GRM7: variants seen among roughly 807,000 people sequenced by gnomAD.
GRM7 encodes glutamate metabotropic receptor 7, also known as metabotropic glutamate receptor 7.
GRM7 carries 35 observed loss-of-function variants against 84.5 expected under a neutral mutation model. The observed-to-expected ratio is 0.41, with a 90% CI of 0.32 to 0.55. GRM7 has a LOEUF of 0.55. Ranked by LOEUF, GRM7 falls within the 20% of genes least tolerant of loss-of-function variation. GRM7 has a pLI of 0.19. For missense variants in GRM7, 1,003 were observed against 1,194.6 expected (o/e 0.84, Z 2.36); for synonymous variants, 487 against 455.1 (o/e 1.07, Z -0.89).
At chr3:7,295,216 T>C (rs1023013276) in intron 2 of GRM7, among the ~76,000 whole-genome samples, 12 of 152,182 alleles carry the variant, frequency 7.9e-5, no homozygotes, top group African/African-American at 2.7e-4. Context: ...CATAAGAAAA[T>C]CCAATTATTT....
intron 1 of GRM7, among the ~76,000 whole-genome samples, chr3:6,997,436 T>C (rs1370081882): frequency 6.6e-6 from 1 of 152,142 alleles, no homozygotes; most frequent in East Asian, 1.9e-4. Context: ...GGAAGCAACA[T>C]GTCCTTCTTC....
intron 7 of GRM7, among the ~76,000 whole-genome samples, chr3:7,463,560 G>C (rs1247515142): frequency 6.6e-6 from 1 of 152,080 alleles, no homozygotes; most frequent in Non-Finnish European, 1.5e-5. Context: ...ATCTAGGATG[G>C]AGTTACATGG....
At chr3:7,591,624 G>A (rs1695784376) in intron 8 of GRM7, 4 of 342,028 alleles carry the variant, frequency 1.2e-5, no homozygotes, top group South Asian at 9.5e-5. Context: ...GGAGGTGACA[G>A]TGCATTATAG....
chr3:7,160,702 T>TA (rs1210688961), intron 2 of GRM7, among the ~76,000 whole-genome samples: 1 of 152,156 alleles, frequency 6.6e-6, no homozygotes, highest in African/African-American at 2.4e-5. Flanking sequence ...TAGTTCAAGT[T>TA]AAAAAGAACC....
rs1694745046 is a variant in GRM7 at position 6,861,313 on chromosome 3, T to C, written c.-76T>C. 3 of 1,325,236 alleles carry C rather than the reference T, an allele frequency of 2.3e-6. No homozygotes were observed. The highest frequency in any genetic ancestry group is 1.6e-5 in the African/African-American group (1 of 64,456). 82.1% of individuals were successfully genotyped at this position (1,325,236 alleles called of 1,614,324 possible). ...TGGGCTTTCCCGGAGGAGCTCGCCC[T>C]GAAGGGCCCGGACCTCGGCGAGCCC... is the stretch of plus-strand genomic sequence containing the variant. On this transcript the variant is annotated 5_prime_UTR_variant, in exon 1 of 10. Coordinates refer to ENST00000357716, the MANE Select transcript of GRM7 (RefSeq NM_000844.4). The surrounding 1 kb of genome is among the most constrained non-coding windows in gnomAD (Gnocchi z 6.4).
chr3:7,175,951 TTATC>T (rs1695131435), intron 2 of GRM7, among the ~76,000 whole-genome samples: 1 of 152,156 alleles, frequency 6.6e-6, no homozygotes, highest in Admixed American at 6.5e-5. Context: ...TGATTAATCT[TTATC>T]TATCTGTGTG....
chr3:7,434,561 C>G (rs1056042322), intron 5 of GRM7, among the ~76,000 whole-genome samples: 4 of 152,070 alleles, frequency 2.6e-5, no homozygotes, highest in African/African-American at 4.8e-5. Context: ...GATGATAATA[C>G]TATTTTTATT....
intron 1 of GRM7, among the ~76,000 whole-genome samples, chr3:6,932,858 G>T (rs2125046897): frequency 7.1e-6 from 1 of 141,444 alleles, no homozygotes; most frequent in South Asian, 2.2e-4. Context: ...GGGTTCATTT[G>T]ATTCTCCTGC....
rs1575305338 is a variant in GRM7 at position 7,416,509 on chromosome 3, A to G, written c.1174+1346A>G. ...TTAATCCACTCAACCATCATCTGTT[A>G]ATCAGGTAATACATGGTATCAGGAA... is the stretch of plus-strand genomic sequence containing the variant. On this transcript the variant is annotated intron_variant, in intron 5 of 9. Coordinates refer to ENST00000357716, the MANE Select transcript of GRM7 (RefSeq NM_000844.4). Among the ~76,000 whole-genome samples the G allele has an allele frequency of 2.0e-5, 3 of 152,258 alleles. No individual in the cohort carries two copies. The East Asian group carries it at 5.8e-4, about 29-fold the overall frequency.
chr3:7,472,318 C>T (rs1289929546), intron 7 of GRM7, among the ~76,000 whole-genome samples: 3 of 152,090 alleles, frequency 2.0e-5, no homozygotes, highest in Non-Finnish European at 4.4e-5. Context: ...AGAGAGTTCA[C>T]ATAATTGTGT....
chr3:7,090,951 A>G (rs371465572), intron 1 of GRM7, among the ~76,000 whole-genome samples: 3 of 152,316 alleles, frequency 2.0e-5, no homozygotes, highest in East Asian at 1.9e-4. Flanking sequence ...ACATAAAAAG[A>G]AAGAAATAGA....
At chr3:7,340,551 C>T (rs989408064) in intron 4 of GRM7, among the ~76,000 whole-genome samples, 3 of 152,108 alleles carry the variant, frequency 2.0e-5, no homozygotes, top group Non-Finnish European at 4.4e-5. Context: ...CCTTCAACAC[C>T]TGGGGATTAC....
intron 9 of GRM7, among the ~76,000 whole-genome samples, chr3:7,725,439 T>G (rs765905289): frequency 3.3e-5 from 5 of 152,300 alleles, no homozygotes; most frequent in Non-Finnish European, 7.4e-5. Flanking sequence ...TCCCCACTTC[T>G]TCCTTCCATT....
intron 3 of GRM7, among the ~76,000 whole-genome samples, chr3:7,305,228 T>A (rs1700146384): frequency 6.6e-6 from 1 of 152,144 alleles, no homozygotes; most frequent in Non-Finnish European, 1.5e-5. Flanking sequence ...TTAACACCTC[T>A]TATCTACCTT....
At position 7,349,923 on chromosome 3, in the gene GRM7, C is replaced by T. The variant is rs74400591; in HGVS notation, c.1033+43271C>T. ...CAATTATATTCAAATGCTTGATAGG[C>T]ATCTTTAAGCCCAATTCCTTTGTTT... On this transcript the variant is annotated intron_variant, in intron 4 of 9. Transcript: ENST00000357716. Among the ~76,000 whole-genome samples, 1,082 of 151,946 alleles carry T rather than the reference C, an allele frequency of 7.1e-3. 11 individuals carry two copies. The highest frequency in any genetic ancestry group is 0.022 in the African/African-American group (927 of 41,466).
intron 4 of GRM7, among the ~76,000 whole-genome samples, chr3:7,370,969 G>GGAGC (rs1694106672): frequency 6.6e-6 from 1 of 152,102 alleles, no homozygotes; most frequent in African/African-American, 2.4e-5. Flanking sequence ...TTTGATTTTA[G>GGAGC]GAGCCTGATT....
chr3:7,295,428 T>C (rs1250756901), intron 2 of GRM7, among the ~76,000 whole-genome samples: 4 of 152,208 alleles, frequency 2.6e-5, no homozygotes, highest in African/African-American at 9.6e-5. Flanking sequence ...GTGGTGTGAA[T>C]ATCTAATTTT....
chr3:6,895,055 G>C (rs542343923), intron 1 of GRM7, among the ~76,000 whole-genome samples: 3 of 152,228 alleles, frequency 2.0e-5, no homozygotes, highest in African/African-American at 7.2e-5. Flanking sequence ...AAGAAAAGCC[G>C]CTCTTTCTGG....
At chr3:7,030,193 A>G (rs567354436) in intron 1 of GRM7, among the ~76,000 whole-genome samples, 31 of 152,340 alleles carry the variant, frequency 2.0e-4, no homozygotes, top group African/African-American at 6.3e-4. Flanking sequence ...CAAATGAAAA[A>G]GGAGTACACT....
Sources: gnomAD v4.1 joint callset for allele counts (sites outside exome capture counted in the v4.1 genomes callset) on GRCh38, gnomAD v4.1.1 for gene constraint, Gnocchi (gnomAD v3.1) non-coding constraint, MANE v1.5 for transcripts, NCBI Gene and HGNC (gene_info 2026-07-23, HGNC 2026-07-21) for gene names.